The following PHLDB2 variants were observed in gnomAD, a reference collection of about 807,000 sequenced individuals.
PHLDB2 encodes the protein pleckstrin homology-like domain family B member 2.
PHLDB2 carries 71 observed loss-of-function variants against 123.6 expected under a neutral mutation model. The ratio of observed to expected loss-of-function variants is 0.57; its 90% CI spans 0.47 to 0.70. PHLDB2 has a LOEUF of 0.70. PHLDB2 is among the 30% of genes least tolerant of loss of function. The pLI is 0.00. For synonymous variants in PHLDB2, 547 were observed against 541.6 expected, an observed-to-expected ratio of 1.01 and a Z score of -0.14; for missense variants, 1,446 against 1,519.5, an observed-to-expected ratio of 0.95 and a Z score of 0.80.
intron 1 of PHLDB2, among the ~76,000 whole-genome samples, chr3:111,868,904 G>A (rs1193541077): frequency 6.6e-6 from 1 of 152,148 alleles, no homozygotes; most frequent in Non-Finnish European, 1.5e-5. Context: ...AGAGTCTAAA[G>A]AATATTTTAA....
At chr3:111,851,194 TAAAAAAAAAAA>T (rs11309576) in intron 2 of PHLDB2, among the ~76,000 whole-genome samples, 5 of 103,658 alleles carry the variant, frequency 4.8e-5, no homozygotes, top group Non-Finnish European at 5.6e-5. Flanking sequence ...GATTCTGTCT[TAAAAAAAAAAA>T]AAAAAAAAAA....
rs2071449229 is a variant in PHLDB2, at chr3:111,962,217, C to T, written c.2982C>T (p.His994=). The T allele has an allele frequency of 3.8e-6, 6 of 1,581,654 alleles. No individual in the cohort carries two copies. Among genetic ancestry groups the T allele is most frequent in the Non-Finnish European group, 5.1e-6 (6 of 1,171,252 alleles). ...TGAATAGTTTCCATTATCCAGATCA[C>T]AGCTACAAGGACCAGGCCTTTGATA... ...VYLNSFHYPD[H]SYKDQAFDTL... is the part of the protein sequence containing the mutation. Residue 994 remains histidine (H), a synonymous_variant, in exon 13 of 18, where the codon CAC becomes CAT. Transcript: ENST00000431670.
intron 2 of PHLDB2, among the ~76,000 whole-genome samples, chr3:111,898,208 C>T (rs202186028): frequency 1.2e-5 from 1 of 84,440 alleles, no homozygotes; most frequent in African/African-American, 4.1e-5. Flanking sequence ...GTGTGTGTGT[C>T]TTGCTCTGTC....
intron 1 of PHLDB2, among the ~76,000 whole-genome samples, chr3:111,737,468 G>T (rs1314614901): frequency 6.6e-6 from 1 of 152,132 alleles, no homozygotes; most frequent in African/African-American, 2.4e-5. Flanking sequence ...CCCAAAACTT[G>T]TTCCCCTCCT....
At chr3:111,755,119 G>T (rs1477970394) in intron 1 of PHLDB2, among the ~76,000 whole-genome samples, 4 of 150,044 alleles carry the variant, frequency 2.7e-5, no homozygotes, top group African/African-American at 9.8e-5. Flanking sequence ...TCTCTTTTTT[G>T]GTTGTGTCTC....
intron 1 of PHLDB2, among the ~76,000 whole-genome samples, chr3:111,860,084 A>C (rs1012875446): frequency 6.6e-6 from 1 of 152,020 alleles, no homozygotes; most frequent in African/African-American, 2.4e-5. Context: ...AGATGCTTCC[A>C]GAGTGATTGT....
chr3:111,966,775 A>G (rs375334100), intron 14 of PHLDB2, 72 bp downstream of exon 14: 18 of 1,144,524 alleles, frequency 1.6e-5, no homozygotes, highest in Middle Eastern at 2.0e-4. Context: ...GCATCAGACA[A>G]TACTCCTCCT....
At chr3:111,915,044 CA>C (rs996311919) in intron 3 of PHLDB2, 3 of 151,740 alleles carry the variant, frequency 2.0e-5, no homozygotes, top group Non-Finnish European at 4.4e-5. Flanking sequence ...ATTAGAATAA[CA>C]AAAATAGTAA....
In PHLDB2 at chr3:111,738,837, G is replaced by T. The variant is rs140504852; in HGVS notation, c.-49+6134G>T. ...GGGGAGACTAAAGAAAGAATCAGAA[G>T]TGTTAACCATTGGTGTAGAGGGAAT... On this transcript the variant is annotated intron_variant, in intron 1 of 17. Coordinates refer to the PHLDB2 transcript ENST00000393923. 1.3e-3 allele frequency among the ~76,000 whole-genome samples: 195 copies of T among 152,292 alleles called. 2 individuals carry two copies. The highest frequency in any genetic ancestry group is 4.3e-3 in the African/African-American group (178 of 41,570).
At chr3:111,824,555 C>G (rs746893172) in intron 1 of PHLDB2, among the ~76,000 whole-genome samples, 86 of 152,076 alleles carry the variant, frequency 5.7e-4, no homozygotes, top group Non-Finnish European at 1.1e-3. Flanking sequence ...GCTTGAGGGA[C>G]CTTTCAGGAA....
chr3:111,812,384 G>A (rs1421302549), intron 1 of PHLDB2, among the ~76,000 whole-genome samples: 2 of 152,186 alleles, frequency 1.3e-5, no homozygotes, highest in African/African-American at 4.8e-5. Context: ...CTCTGCAAGG[G>A]GAAATGGAGA....
chr3:111,943,750 A>G (rs2070079412), intron 8 of PHLDB2, among the ~76,000 whole-genome samples: 2 of 152,222 alleles, frequency 1.3e-5, no homozygotes, highest in Non-Finnish European at 2.9e-5. Flanking sequence ...GTTGACAAGA[A>G]TATGAAGCAA....
intron 1 of PHLDB2, among the ~76,000 whole-genome samples, chr3:111,805,420 G>C (rs1017619001): frequency 1.3e-5 from 2 of 151,694 alleles, no homozygotes; most frequent in African/African-American, 4.9e-5. Context: ...AATTAGCTGG[G>C]CATGGTGGCG....
At chr3:111,741,488 G>A (rs2059604023) in intron 1 of PHLDB2, among the ~76,000 whole-genome samples, 2 of 152,054 alleles carry the variant, frequency 1.3e-5, no homozygotes, top group Admixed American at 6.6e-5. Flanking sequence ...GACTGAGATG[G>A]AACTAAAATA....
At chr3:111,759,228 G>T (rs149095061) in intron 1 of PHLDB2, among the ~76,000 whole-genome samples, 403 of 152,170 alleles carry the variant, frequency 2.6e-3, no homozygotes, top group Non-Finnish European at 4.5e-3. Context: ...CATTCTGGAG[G>T]CTGGAAAGGC....
chr3:111,797,949 T>G (rs1390748990), intron 1 of PHLDB2, among the ~76,000 whole-genome samples: 1 of 152,142 alleles, frequency 6.6e-6, no homozygotes, highest in Non-Finnish European at 1.5e-5. Context: ...CTTGGCGATA[T>G]AGTGAGACAC....
chr3:111,875,939 G>A (rs2065592472), intron 1 of PHLDB2, among the ~76,000 whole-genome samples: 1 of 151,878 alleles, frequency 6.6e-6, no homozygotes, highest in Non-Finnish European at 1.5e-5. Flanking sequence ...TGGTCCAAAT[G>A]TATTATATAA....
chr3:111,935,069 T>C lies in PHLDB2; in HGVS notation c.2130+2672T>C, dbSNP rs72940212. 9.7e-3 allele frequency among the ~76,000 whole-genome samples: 1,468 copies of C among 150,586 alleles called. 21 individuals are homozygous for C. Among genetic ancestry groups the C allele is most frequent in the African/African-American group, 0.033 (1,369 of 41,122 alleles). ...CTTGTGCTTTTGATATTTACTCAAA[T>C]GAATGGTTGATTTTGGTATCTTGAT... On this transcript the variant is annotated intron_variant, in intron 6 of 17. Coordinates refer to ENST00000431670, the MANE Select transcript of PHLDB2 (RefSeq NM_001134438.2).
At chr3:111,836,805 C>G (rs547084560) in intron 1 of PHLDB2, among the ~76,000 whole-genome samples, 59 of 152,204 alleles carry the variant, frequency 3.9e-4, no homozygotes, top group Non-Finnish European at 3.8e-4. Context: ...CTCATGAAAA[C>G]TTACTATCAG....
Sources: allele counts gnomAD v4.1 joint callset (sites outside exome capture counted in the v4.1 genomes callset), GRCh38; gene constraint gnomAD v4.1.1; transcripts MANE v1.5; gene names NCBI Gene and HGNC (gene_info 2026-07-23, HGNC 2026-07-21).